Variants in PTPRO observed in about 807,000 individuals in gnomAD.
The protein encoded by PTPRO is receptor-type tyrosine-protein phosphatase O.
PTPRO carries 62 observed loss-of-function variants against 145.2 expected under a neutral mutation model. The ratio of observed to expected loss-of-function variants is 0.43; its 90% CI spans 0.35 to 0.53. The LOEUF is 0.53. Ranked by LOEUF, PTPRO falls within the 20% of genes least tolerant of loss-of-function variation. The pLI is 0.01. For synonymous variants in PTPRO, 565 were observed against 514.7 expected, an observed-to-expected ratio of 1.10 and a Z score of -1.32; for missense variants, 1,345 against 1,482.7, an observed-to-expected ratio of 0.91 and a Z score of 1.53.
At chr12:15,515,352 T>C in intron 7 of PTPRO, 146 bp from the exon 8 acceptor site, 1 of 1,051,168 alleles carries the variant, frequency 9.5e-7, no homozygotes, top group Non-Finnish European at 1.4e-6. Flanking sequence ...TCATCCTAAT[T>C]TTGGAATCTG....
chr12:15,499,667 C>G, intron 4 of PTPRO, 73 bp downstream of exon 4: 1 of 1,481,918 alleles, frequency 6.7e-7, no homozygotes, highest in Non-Finnish European at 9.4e-7. Flanking sequence ...TATTTTTTAT[C>G]CTAAGAAATA....
intron 1 of PTPRO, among the ~76,000 whole-genome samples, chr12:15,440,765 G>T (rs1386909061): frequency 6.6e-6 from 1 of 151,904 alleles, no homozygotes; most frequent in East Asian, 1.9e-4. Flanking sequence ...GCCAACAACA[G>T]TAAAAAAAAG....
At chr12:15,384,345 T>C (rs1426877176) in intron 1 of PTPRO, among the ~76,000 whole-genome samples, 1 of 152,176 alleles carries the variant, frequency 6.6e-6, no homozygotes, top group Admixed American at 6.5e-5. Context: ...ACTGTCTTAG[T>C]TAGTTTGAAC....
chr12:15,534,240 A>C (rs1565690446), intron 12 of PTPRO, among the ~76,000 whole-genome samples: 1 of 152,232 alleles, frequency 6.6e-6, no homozygotes, highest in Non-Finnish European at 1.5e-5. Context: ...GCCAACTTTA[A>C]GAGGACATGT....
At chr12:15,377,116 C>T (rs1218469020) in intron 1 of PTPRO, among the ~76,000 whole-genome samples, 2 of 151,750 alleles carry the variant, frequency 1.3e-5, no homozygotes, top group East Asian at 1.9e-4. Flanking sequence ...ATTAACTTAG[C>T]GTTAATATGA....
intron 17 of PTPRO, 171 bp from the exon 18 acceptor site, chr12:15,565,422 T>C (rs1943872276): frequency 2.0e-6 from 1 of 511,954 alleles, no homozygotes; most frequent in South Asian, 2.4e-5. Context: ...GAATCTGAAA[T>C]TATTATTATC....
In PTPRO at chr12:15,484,066, T is replaced by A. The variant is rs1415920380; in HGVS notation, c.168T>A (p.Tyr56Ter). The A allele has an allele frequency of 6.2e-7, 1 of 1,613,754 alleles. No homozygotes were observed. The highest frequency in any genetic ancestry group is 8.5e-7 in the Non-Finnish European group (1 of 1,179,810). The change falls in exon 2 of 27, where the codon TAT becomes TAA. Residue 56 changes from tyrosine to a stop codon, truncating the protein, a stop_gained. Transcript: ENST00000281171. LOFTEE classifies it high-confidence loss of function. ...ACGTCATCAGTCCAGCATCTGTGTA[T>A]GTTGTGAAGATAACTGGTGAATCCA... ...ASDVISPASV[Y>*]VVKITGESKN...
At chr12:15,324,233 T>C (rs1479811606) in intron 1 of PTPRO, among the ~76,000 whole-genome samples, 2 of 152,232 alleles carry the variant, frequency 1.3e-5, no homozygotes, top group Non-Finnish European at 2.9e-5. Context: ...ACCAAGTCAC[T>C]ATGCATTTTA....
At position 15,503,929 on chromosome 12, in the gene PTPRO, TG is replaced by T; in HGVS notation, c.1129del (p.Val377TrpfsTer12). 1 of 1,581,570 alleles carries T rather than the reference TG, an allele frequency of 6.3e-7. No individual in the cohort carries two copies. The highest frequency in any genetic ancestry group is 8.7e-7 in the Non-Finnish European group (1 of 1,150,946). On this transcript the variant is annotated frameshift_variant, in exon 6 of 27. Transcript: ENST00000281171. LOFTEE classifies it high-confidence loss of function. ...TTAGAGAACTTTACTGAATATTTGA[TG>T]GTGGATGAAGAAGCACATGAATTTG... The part of the protein sequence containing the change: ...EREENFTEYL[M>X]VDEEAHEFVA...
chr12:15,560,314 T>C (rs1444553844), intron 17 of PTPRO, 38 bp downstream of exon 17: 2 of 1,438,084 alleles, frequency 1.4e-6, no homozygotes, highest in African/African-American at 1.4e-5. Context: ...ACAAACTCTT[T>C]AAAAGTTAGC....
At chr12:15,515,660 A>G in intron 8 of PTPRO, 42 bp downstream of exon 8, 1 of 1,612,634 alleles carries the variant, frequency 6.2e-7, no homozygotes, top group South Asian at 1.1e-5. Flanking sequence ...CCTATATATT[A>G]GGGTATTGAC....
At chr12:15,560,545 G>A (rs1943747140) in intron 17 of PTPRO, among the ~76,000 whole-genome samples, 3 of 151,892 alleles carry the variant, frequency 2.0e-5, no homozygotes, top group Non-Finnish European at 4.4e-5. Flanking sequence ...CAATCCATTG[G>A]CCTCTCATCT....
intron 2 of PTPRO, among the ~76,000 whole-genome samples, chr12:15,484,565 T>A (rs188910686): frequency 3.3e-5 from 5 of 152,012 alleles, no homozygotes; most frequent in African/African-American, 1.2e-4. Flanking sequence ...AATGTCATCA[T>A]AACTTGTTTA....
chr12:15,380,342 A>G (rs1424071556), intron 1 of PTPRO, among the ~76,000 whole-genome samples: 1 of 152,124 alleles, frequency 6.6e-6, no homozygotes, highest in African/African-American at 2.4e-5. Context: ...ACAACAAACC[A>G]AAGATTATAT....
chr12:15,556,947 G>C (rs937911056), intron 15 of PTPRO, among the ~76,000 whole-genome samples: 1 of 151,878 alleles, frequency 6.6e-6, no homozygotes, highest in African/African-American at 2.4e-5. Flanking sequence ...ACTTGCAAAA[G>C]ATTATTTCTT....
intron 2 of PTPRO, among the ~76,000 whole-genome samples, chr12:15,485,107 G>A (rs1370632766): frequency 2.0e-5 from 3 of 152,214 alleles, no homozygotes; most frequent in Admixed American, 6.5e-5. Context: ...TGATAAATAC[G>A]TGGAAAGACA....
At chr12:15,555,219 C>T (rs546150198) in intron 15 of PTPRO, among the ~76,000 whole-genome samples, 61 of 151,820 alleles carry the variant, frequency 4.0e-4, no homozygotes, top group African/African-American at 1.4e-3. Context: ...GCCTGGGCGA[C>T]GACTGAGTGA....
At chr12:15,443,841 T>G (rs1320191393) in intron 1 of PTPRO, among the ~76,000 whole-genome samples, 2 of 152,092 alleles carry the variant, frequency 1.3e-5, no homozygotes, top group Non-Finnish European at 2.9e-5. Context: ...AAACAACAGA[T>G]GTTGGCGAGG....
chr12:15,408,324 T>A (rs1212320919), intron 1 of PTPRO, among the ~76,000 whole-genome samples: 3 of 152,224 alleles, frequency 2.0e-5, no homozygotes, highest in Non-Finnish European at 4.4e-5. Flanking sequence ...ATCAATCATA[T>A]CCTGTTTTGA....
Sources: gnomAD v4.1 joint callset for allele counts (sites outside exome capture counted in the v4.1 genomes callset) on GRCh38, gnomAD v4.1.1 for gene constraint, MANE v1.5 for transcripts, NCBI Gene and HGNC (gene_info 2026-07-23, HGNC 2026-07-21) for gene names.